Variants in TATDN2 observed in about 807,000 individuals in gnomAD.
TATDN2 encodes TatD DNase domain containing 2, also known as 3'-5' RNA nuclease TATDN2.
In TATDN2, 44 loss-of-function variants were observed where a neutral mutation model predicts 60.3. The ratio of observed to expected loss-of-function variants is 0.73; its 90% CI spans 0.57 to 0.94. The LOEUF (loss-of-function observed/expected upper bound fraction) is 0.94, where lower values mean the gene tolerates loss of function less well. TATDN2 is among the 40% of genes least tolerant of loss of function. TATDN2 has a pLI of 0.00. For synonymous variants in TATDN2, 399 were observed against 355.8 expected (o/e 1.12, Z -1.37); for missense variants, 997 against 948.0 (o/e 1.05, Z -0.68).
intron 2 of TATDN2, among the ~76,000 whole-genome samples, chr3:10,251,875 G>A (rs1298449146): frequency 1.3e-5 from 2 of 150,498 alleles, no homozygotes; most frequent in Admixed American, 6.6e-5. Flanking sequence ...TGGGCTGGGC[G>A]TGGTGGCTCA....
chr3:10,278,012 G>A lies in TATDN2; in HGVS notation c.1962-267G>A, dbSNP rs1004875518. Among the ~76,000 whole-genome samples, 4 of 152,222 alleles carry A rather than the reference G, an allele frequency of 2.6e-5. No homozygotes were observed. Among genetic ancestry groups the A allele is most frequent in the South Asian group, 4.2e-4 (2 of 4,810 alleles). Reference sequence around the variant, plus strand: ...TTAGAAGCATTTCCTATCCCAGTGTGTTCTCTGTGGTGGTCATCTCAGGGG... The same window carrying A: ...TTAGAAGCATTTCCTATCCCAGTGTATTCTCTGTGGTGGTCATCTCAGGGG... On this transcript the variant is annotated intron_variant, in intron 5 of 7. Coordinates refer to ENST00000448281, the MANE Select transcript of TATDN2 (RefSeq NM_014760.4). The surrounding 1 kb of genome is among the most constrained non-coding windows in gnomAD (Gnocchi z 4.7).
At chr3:10,249,722 A>G (rs1367541379) in intron 2 of TATDN2, 108 bp downstream of exon 2, 9 of 1,255,876 alleles carry the variant, frequency 7.2e-6, no homozygotes, top group Non-Finnish European at 9.3e-6. Flanking sequence ...ACATCCTTGA[A>G]GGTCTGGAAG....
Position 10,270,456 on chromosome 3 carries a change from G to A in TATDN2, c.1274G>A (p.Gly425Glu). ...RMSDYSPNST[G>E]SVQNTSRDME... ...AGTGATTATTCCCCCAACTCTACAGGGAGTGTCCAAAACACCTCCAGAGAC... is the reference window on the plus strand; with the variant it reads ...AGTGATTATTCCCCCAACTCTACAGAGAGTGTCCAAAACACCTCCAGAGAC... Residue 425 changes from glycine (G) to glutamate (E), a missense_variant, in exon 4 of 8, where the codon GGG (glycine) becomes GAG (glutamate). Physicochemically the swap from Gly to Glu is moderately conservative, Grantham distance 98. Transcript: ENST00000448281. 1 of 1,614,150 alleles carries A rather than the reference G, an allele frequency of 6.2e-7. No homozygotes were observed. The highest frequency in any genetic ancestry group is 1.1e-5 in the South Asian group (1 of 91,082).
chr3:10,253,724 A>C (rs543467705), intron 2 of TATDN2, among the ~76,000 whole-genome samples: 1 of 152,364 alleles, frequency 6.6e-6, no homozygotes, highest in Non-Finnish European at 1.5e-5. Context: ...AGTGTCGTGA[A>C]GTAGGTGGTA....
chr3:10,260,578 G>A lies in TATDN2; in HGVS notation c.856G>A (p.Glu286Lys). ...AGACCCTCAAGAGAAACCCAGTGAG[G>A]AGCCCCTTGGGGACCGAAGGACTGT... ...VIDPQEKPSE[E>K]PLGDRRTVID... Residue 286 changes from glutamate to lysine, a missense_variant, in exon 3 of 8, where the codon GAG becomes AAG. Physicochemically the swap from Glu to Lys is moderately conservative, Grantham distance 56. Coordinates refer to ENST00000448281, the MANE Select transcript of TATDN2 (RefSeq NM_014760.4). 1 of 1,614,162 alleles carries A rather than the reference G, an allele frequency of 6.2e-7. No homozygotes were observed. Among genetic ancestry groups the A allele is most frequent in the Non-Finnish European group, 8.5e-7 (1 of 1,180,022 alleles).
chr3:10,265,681 CAAAAAA>C (rs60093055), intron 3 of TATDN2, among the ~76,000 whole-genome samples: 3,808 of 62,832 alleles, frequency 0.061, 125 homozygotes, highest in African/African-American at 0.16. Context: ...GACTCCGTCT[CAAAAAA>C]AAAAAAAAAA....
At chr3:10,267,121 A>G (rs1698488923) in intron 3 of TATDN2, among the ~76,000 whole-genome samples, 1 of 151,824 alleles carries the variant, frequency 6.6e-6, no homozygotes, top group South Asian at 2.1e-4. Context: ...GGGTTTTGCC[A>G]TGTTGCCCAG....
Position 10,260,206 on chromosome 3 carries a change from G to T in TATDN2, c.484G>T (p.Asp162Tyr). The T allele has an allele frequency of 1.2e-6, 2 of 1,614,108 alleles. No homozygotes were observed. The highest frequency in any genetic ancestry group is 1.7e-6 in the Non-Finnish European group (2 of 1,180,030). Reference protein sequence around the residue: ...EFAAEAEGQNDTIEEPNKVQK... With the variant: ...EFAAEAEGQNYTIEEPNKVQK... ...TGCAGCTGAAGCTGAGGGTCAGAAT[G>T]ATACAATTGAGGAACCCAACAAGGT... The change falls in exon 3 of 8, where the codon GAT becomes TAT. Residue 162 changes from aspartate (D) to tyrosine (Y), a missense_variant. By Grantham distance (160) the Asp-to-Tyr change is radical. Coordinates refer to ENST00000448281, the MANE Select transcript of TATDN2 (RefSeq NM_014760.4).
intron 4 of TATDN2, among the ~76,000 whole-genome samples, chr3:10,275,225 C>A (rs183543543): frequency 6.6e-5 from 10 of 152,022 alleles, no homozygotes; most frequent in Non-Finnish European, 1.2e-4. Flanking sequence ...ACCTCAAACC[C>A]GACTTGGCCT....
rs773783893 is a variant in TATDN2, at chr3:10,270,226, A to G, written c.1044A>G (p.Glu348=). 2.1e-5 allele frequency: 34 copies of G among 1,614,038 alleles called. No homozygotes were observed. In the South Asian group the frequency reaches 3.4e-4, roughly 16 times the overall value. ...EISTVRFSQE[E]PVSLKPSAVP... is the part of the protein sequence containing the mutation. Reference sequence around the variant, plus strand: ...CCACAGTCAGATTCTCTCAGGAGGAACCTGTCTCCCTGAAACCTTCAGCCG... The same window carrying G: ...CCACAGTCAGATTCTCTCAGGAGGAGCCTGTCTCCCTGAAACCTTCAGCCG... Residue 348 remains glutamate, a synonymous_variant, in exon 4 of 8, where the codon GAA becomes GAG. Transcript: ENST00000448281.
intron 4 of TATDN2, among the ~76,000 whole-genome samples, chr3:10,273,961 G>C (rs1698600738): frequency 1.3e-5 from 2 of 152,124 alleles, no homozygotes; most frequent in Non-Finnish European, 2.9e-5. Context: ...GTGTTAAAGA[G>C]GAATTAATTA....
intron 3 of TATDN2, among the ~76,000 whole-genome samples, chr3:10,267,744 T>C (rs1254170991): frequency 6.6e-6 from 1 of 152,240 alleles, no homozygotes; most frequent in Non-Finnish European, 1.5e-5. Context: ...AGGTGTGTTT[T>C]TGGGATTGCC....
chr3:10,267,128 C>A (rs1698489006), intron 3 of TATDN2, among the ~76,000 whole-genome samples: 1 of 151,674 alleles, frequency 6.6e-6, no homozygotes, highest in Non-Finnish European at 1.5e-5. Context: ...GCCATGTTGC[C>A]CAGGCTGGTC....
chr3:10,265,369 G>A (rs1214835652), intron 3 of TATDN2, among the ~76,000 whole-genome samples: 1 of 120,718 alleles, frequency 8.3e-6, no homozygotes, highest in Admixed American at 8.8e-5. Context: ...GAGCTACCAC[G>A]CCCGGCCAGA....
chr3:10,257,841 A>ATTTTTTTTTTTTGTTTTTTT (rs1698335052), intron 2 of TATDN2, among the ~76,000 whole-genome samples: 1 of 30,260 alleles, frequency 3.3e-5, no homozygotes, highest in Non-Finnish European at 7.0e-5. Context: ...AAGGTTTATG[A>ATTTTTTTTTTTTGTTTTTTT]TTTTTTTTTT....
At chr3:10,261,678 A>T (rs1003145226) in intron 3 of TATDN2, among the ~76,000 whole-genome samples, 1 of 152,034 alleles carries the variant, frequency 6.6e-6, no homozygotes, top group Non-Finnish European at 1.5e-5. Flanking sequence ...ACATTCCTCC[A>T]TCTTACTCGT....
At position 10,270,018 on chromosome 3, in the gene TATDN2, C is replaced by G. The variant is rs572244219; in HGVS notation, c.949-113C>G. On this transcript the variant is annotated intron_variant, in intron 3 of 7. Coordinates refer to ENST00000448281, the MANE Select transcript of TATDN2 (RefSeq NM_014760.4). ...GGTGAGCTAATGAGCCAATGCAAAG[C>G]CATCACCATGGCCAGAAGAACAAGC... 20 of 1,364,740 alleles carry G rather than the reference C, an allele frequency of 1.5e-5. No homozygotes were observed. The South Asian group carries it at 2.1e-4, about 15-fold the overall frequency. The allele number at this position is 1,364,740 out of a possible 1,614,324, so 84.5% of individuals were successfully genotyped here.
chr3:10,273,918 G>T (rs1335480946), intron 4 of TATDN2, among the ~76,000 whole-genome samples: 1 of 152,150 alleles, frequency 6.6e-6, no homozygotes, highest in Non-Finnish European at 1.5e-5. Context: ...AGAGTAGACT[G>T]TCCTTCCCTA....
Position 10,270,363 on chromosome 3 carries a change from G to T in TATDN2, c.1181G>T (p.Ser394Ile). The change falls in exon 4 of 8, where the codon AGC (serine) becomes ATC (isoleucine). Residue 394 changes from serine to isoleucine, a missense_variant. Ser to Ile is a moderately radical substitution (Grantham distance 142). Coordinates refer to ENST00000448281, the MANE Select transcript of TATDN2 (RefSeq NM_014760.4). The part of the protein sequence containing the change: ...SYWTSSPKPS[S>I]YPSTGSSSND... ...TGGACCAGCAGCCCCAAGCCTTCTA[G>T]CTACCCCTCCACAGGCAGCAGCAGC... The T allele has an allele frequency of 5.6e-6, 9 of 1,614,144 alleles. No homozygotes were observed. Among genetic ancestry groups the T allele is most frequent in the Non-Finnish European group, 7.6e-6 (9 of 1,180,024 alleles).
Sources: gnomAD v4.1 joint callset for allele counts (sites outside exome capture counted in the v4.1 genomes callset) on GRCh38, gnomAD v4.1.1 for gene constraint, Gnocchi (gnomAD v3.1) non-coding constraint, MANE v1.5 for transcripts, NCBI Gene and HGNC (gene_info 2026-07-23, HGNC 2026-07-21) for gene names.